ARRDC3: variants seen among roughly 807,000 people sequenced by gnomAD.
The protein encoded by ARRDC3 is arrestin domain-containing protein 3.
ARRDC3 carries 10 observed loss-of-function variants against 47.2 expected under a neutral mutation model. The ratio of observed to expected loss-of-function variants is 0.21; its 90% CI spans 0.13 to 0.36. The LOEUF (loss-of-function observed/expected upper bound fraction) is 0.36. Among genes scored for constraint, ARRDC3 ranks in the 10% least tolerant of loss-of-function variants. ARRDC3 has a pLI of 1.00. For missense variants in ARRDC3, 381 were observed against 503.6 expected (o/e 0.76, Z 2.33); for synonymous variants, 156 against 178.3 (o/e 0.87, Z 1.00).
rs183169017 is a variant in ARRDC3 at position 91,375,472 on chromosome 5, T to C, written c.613+39A>G. On this transcript the variant is annotated intron_variant, in intron 4 of 7. Coordinates refer to ENST00000265138, the MANE Select transcript of ARRDC3 (RefSeq NM_020801.4). Reference sequence around the variant, plus strand: ...TATAAATTTAAACACAAAAGCTAAGTGAAGAAAAGTTTTTTGTGGGAATCT... The same window carrying C: ...TATAAATTTAAACACAAAAGCTAAGCGAAGAAAAGTTTTTTGTGGGAATCT... 131 of 1,396,564 alleles carry C rather than the reference T, an allele frequency of 9.4e-5. No homozygotes were observed. The Admixed American group carries it at 9.6e-4, about 10-fold the overall frequency. The allele number at this position is 1,396,564 out of a possible 1,614,324, so 86.5% of individuals were successfully genotyped here.
chr5:91,374,278 T>C lies in ARRDC3; in HGVS notation c.871-2A>G, dbSNP rs2127068749. Reference sequence around the variant, plus strand: ...AGCTCCAGGAATATCCACATATACCTAAACATTGCAAAGAAATATTAAGTT... The same window carrying C: ...AGCTCCAGGAATATCCACATATACCCAAACATTGCAAAGAAATATTAAGTT... On this transcript the variant is annotated splice_acceptor_variant, in intron 5 of 7. Coordinates refer to ENST00000265138, the MANE Select transcript of ARRDC3 (RefSeq NM_020801.4). LOFTEE classifies it high-confidence loss of function. 6.2e-7 allele frequency: 1 copy of C among 1,603,386 alleles called. No homozygotes were observed. The highest frequency in any genetic ancestry group is 8.5e-7 in the Non-Finnish European group (1 of 1,175,016).
chr5:91,369,836 TTTG>T lies in ARRDC3; in HGVS notation c.*1561_*1563del, dbSNP rs1036043580. 1 of 152,170 alleles carries T rather than the reference TTTG, an allele frequency of 6.6e-6. No individual in the cohort carries two copies. The highest frequency in any genetic ancestry group is 1.5e-5 in the Non-Finnish European group (1 of 68,022). 9.4% of individuals were successfully genotyped at this position (152,170 alleles called of 1,614,324 possible). A position where few individuals can be genotyped will look rare whatever the true frequency, so the allele number is the denominator to read the frequency against. On this transcript the variant is annotated 3_prime_UTR_variant, in exon 8 of 8. Coordinates refer to ENST00000265138, the MANE Select transcript of ARRDC3 (RefSeq NM_020801.4). ...AAATGCTATCATGAATGCTGGTATATTTGTTATGAGCCAACAGAAAATTACCTT... is the reference window on the plus strand; with the variant it reads ...AAATGCTATCATGAATGCTGGTATATTTATGAGCCAACAGAAAATTACCTT...
At chr5:91,373,975 C>A in intron 6 of ARRDC3, 137 bp from the exon 7 acceptor site, 1 of 1,451,118 alleles carries the variant, frequency 6.9e-7, no homozygotes, top group Non-Finnish European at 9.4e-7. Flanking sequence ...GACATATAAT[C>A]AAAACTGAAT....
At position 91,382,816 on chromosome 5, in the gene ARRDC3, T is replaced by C. The variant is rs1799480945; in HGVS notation, c.277A>G (p.Arg93Gly). 6.2e-7 allele frequency: 1 copy of C among 1,609,926 alleles called. No individual in the cohort carries two copies. Among genetic ancestry groups the C allele is most frequent in the Non-Finnish European group, 8.5e-7 (1 of 1,178,090 alleles). The stretch of plus-strand genomic sequence containing the variant: ...CTTATGAATAACAAAAACTTACCTC[T>C]TTCGTGCCCAATTAAGATGTCTTTA... ...NHKDILIGHE[R>G]DDDNSEEGFH... Residue 93 changes from arginine to glycine, a missense_variant, in exon 1 of 8, where the codon AGA (arginine) becomes GGA (glycine). Physicochemically the swap from Arg to Gly is moderately radical, Grantham distance 125. Coordinates refer to ENST00000265138, the MANE Select transcript of ARRDC3 (RefSeq NM_020801.4).
chr5:91,381,112 CG>C (rs969864644), intron 1 of ARRDC3: 11 of 152,064 alleles, frequency 7.2e-5, no homozygotes, highest in African/African-American at 2.7e-4. Context: ...GCGCCCGGGG[CG>C]GGGTCTCAGT....
intron 4 of ARRDC3, 72 bp from the exon 5 acceptor site, chr5:91,375,250 T>C (rs1353739870): frequency 6.7e-7 from 1 of 1,488,052 alleles, no homozygotes; most frequent in Non-Finnish European, 9.0e-7. Context: ...TTCTTAAAGC[T>C]AAAGTAAGAA....
intron 1 of ARRDC3, chr5:91,380,930 T>C (rs915157179): frequency 6.6e-6 from 1 of 152,342 alleles, no homozygotes; most frequent in Non-Finnish European, 1.5e-5. Flanking sequence ...CAAACGTGAG[T>C]ACGGGCTGGG....
intron 4 of ARRDC3, 140 bp downstream of exon 4, chr5:91,375,370 GA>G (rs914383416): frequency 2.2e-6 from 2 of 890,828 alleles, no homozygotes; most frequent in Non-Finnish European, 3.3e-6. Context: ...TCTACTTTGT[GA>G]AAAAAACAAA....
chr5:91,383,293 G>C lies in ARRDC3; in HGVS notation c.-201C>G. Reference sequence around the variant, plus strand: ...AGGCTGCTGCTCCGCGCTCCCGCTCGTCTCAGTGGTCTCCTTACAAAGACG... The same window carrying C: ...AGGCTGCTGCTCCGCGCTCCCGCTCCTCTCAGTGGTCTCCTTACAAAGACG... On this transcript the variant is annotated 5_prime_UTR_variant, in exon 1 of 8. Transcript: ENST00000265138. The C allele has an allele frequency of 1.9e-6, 1 of 526,404 alleles. No individual in the cohort carries two copies. 32.6% of individuals were successfully genotyped at this position (526,404 alleles called of 1,614,324 possible).
rs767515801 is a variant in ARRDC3 at position 91,371,008 on chromosome 5, G to GAAAAAAAAAAAAAAAAAAAAA, written c.*371_*391dup. On this transcript the variant is annotated 3_prime_UTR_variant, in exon 8 of 8. Transcript: ENST00000265138. Reference sequence around the variant, plus strand: ...GAGTATCAAGAGTCTGGCAAAAATAGAAAAAAAAAAAAAAAAAAAAAGAAG... The same window carrying GAAAAAAAAAAAAAAAAAAAAA: ...GAGTATCAAGAGTCTGGCAAAAATAGAAAAAAAAAAAAAAAAAAAAAAAAAAAAAAAAAAAAAAAAAAGAAG... 1.7e-4 allele frequency: 13 copies of GAAAAAAAAAAAAAAAAAAAAA among 77,674 alleles called. No homozygotes were observed. The highest frequency in any genetic ancestry group is 5.4e-4 in the African/African-American group (13 of 23,882). 4.8% of individuals were successfully genotyped at this position (77,674 alleles called of 1,614,324 possible).
intron 7 of ARRDC3, among the ~76,000 whole-genome samples, chr5:91,372,583 T>C (rs924083950): frequency 3.3e-5 from 5 of 152,152 alleles, no homozygotes; most frequent in Non-Finnish European, 5.9e-5. Context: ...TAGCATCTAA[T>C]AGAAATTGTA....
intron 2 of ARRDC3, among the ~76,000 whole-genome samples, chr5:91,377,764 A>G (rs911522232): frequency 2.0e-5 from 3 of 152,002 alleles, no homozygotes; most frequent in African/African-American, 2.4e-5. Context: ...AGACTTTAAT[A>G]TTTTTCTCAG....
rs1002036049 is a variant in ARRDC3 at position 91,369,901 on chromosome 5, C to T, written c.*1499G>A. 2 of 152,118 alleles carry T rather than the reference C, an allele frequency of 1.3e-5. No individual in the cohort carries two copies. Among genetic ancestry groups the T allele is most frequent in the Non-Finnish European group, 2.9e-5 (2 of 68,018 alleles). 9.4% of individuals were successfully genotyped at this position (152,118 alleles called of 1,614,324 possible). Reference sequence around the variant, plus strand: ...ATAACTTACTGATGTGATTGTTCTTCCTATGTAATCTATACATAATCAAAG... The same window carrying T: ...ATAACTTACTGATGTGATTGTTCTTTCTATGTAATCTATACATAATCAAAG... On this transcript the variant is annotated 3_prime_UTR_variant, in exon 8 of 8. Coordinates refer to ENST00000265138, the MANE Select transcript of ARRDC3 (RefSeq NM_020801.4).
At chr5:91,380,306 C>T (rs1799420295) in intron 1 of ARRDC3, 1 of 152,992 alleles carries the variant, frequency 6.5e-6, no homozygotes, top group African/African-American at 2.4e-5. Flanking sequence ...GCAACCTAGC[C>T]TGCTGGCCGG....
intron 6 of ARRDC3, 91 bp downstream of exon 6, chr5:91,374,023 G>C: frequency 6.8e-7 from 1 of 1,468,246 alleles, no homozygotes; most frequent in Non-Finnish European, 9.3e-7. Context: ...AAAAGATTAT[G>C]TTCATCTAGG....
intron 2 of ARRDC3, among the ~76,000 whole-genome samples, chr5:91,377,716 A>C (rs978503408): frequency 2.0e-5 from 3 of 152,080 alleles, no homozygotes; most frequent in African/African-American, 7.2e-5. Context: ...AATGACGCTG[A>C]AAATACTCAG....
At chr5:91,372,368 C>G (rs1177519882) in intron 7 of ARRDC3, among the ~76,000 whole-genome samples, 1 of 152,028 alleles carries the variant, frequency 6.6e-6, no homozygotes, top group Non-Finnish European at 1.5e-5. Flanking sequence ...TGTAAATTAT[C>G]TTTAGTGCTT....
chr5:91,379,162 T>G (rs1166182941), intron 1 of ARRDC3, among the ~76,000 whole-genome samples: 1 of 152,098 alleles, frequency 6.6e-6, no homozygotes, highest in Non-Finnish European at 1.5e-5. Context: ...ACATTAAGAC[T>G]ATAATGTATC....
At position 91,373,727 on chromosome 5, in the gene ARRDC3, T is replaced by A; in HGVS notation, c.1145A>T (p.Tyr382Phe). ...ERALQGPLFAYIQEFRFLPPP... is the reference protein window; with the variant it reads ...ERALQGPLFAFIQEFRFLPPP... ...AGGCAAGAATCGAAACTCCTGGATA[T>A]ATGCAAACAGTGGTCCTTGAAGGGC... Residue 382 changes from tyrosine (Y) to phenylalanine (F), a missense_variant, in exon 7 of 8, where the codon TAT becomes TTT. Tyr to Phe is a conservative substitution (Grantham distance 22). Transcript: ENST00000265138. The A allele has an allele frequency of 6.2e-7, 1 of 1,614,058 alleles. No homozygotes were observed. Among genetic ancestry groups the A allele is most frequent in the East Asian group, 2.2e-5 (1 of 44,870 alleles).
Sources: gnomAD v4.1 joint callset for allele counts (sites outside exome capture counted in the v4.1 genomes callset) on GRCh38, gnomAD v4.1.1 for gene constraint, MANE v1.5 for transcripts, NCBI Gene and HGNC (gene_info 2026-07-23, HGNC 2026-07-21) for gene names.